The following CYP2W1 variants were observed in gnomAD, a reference collection of about 807,000 sequenced individuals.
The protein encoded by CYP2W1 is cytochrome P450 2W1.
Under a neutral mutation model 44.9 loss-of-function variants are expected in CYP2W1, and 51 were observed. The observed-to-expected ratio is 1.14, with a 90% CI of 0.91 to 1.43. The LOEUF is 1.43. Among genes scored for constraint, CYP2W1 ranks in the 40% most tolerant of loss-of-function variants. CYP2W1 has a pLI of 0.00. For missense variants in CYP2W1, 746 were observed against 700.0 expected (o/e 1.07, Z -0.74); for synonymous variants, 383 against 338.3 (o/e 1.13, Z -1.45).
chr7:984,566 G>T lies in CYP2W1; in HGVS notation c.329G>T (p.Arg110Leu), dbSNP rs377382764. The change falls in exon 2 of 9, where the codon CGA becomes CTA. Residue 110 changes from arginine (R) to leucine (L), a missense_variant. By Grantham distance (102) the Arg-to-Leu change is moderately radical (BLOSUM62 -2). Transcript: ENST00000308919. The stretch of plus-strand genomic sequence containing the variant: ...ATCGCCATCTTCCAGCTCATCCAGC[G>T]AGGTGGAGGTCGGTGTGTGGCCGGC... ...PPIAIFQLIQ[R>L]GGGIFFSSGA... 17 of 1,561,594 alleles carry T rather than the reference G, an allele frequency of 1.1e-5. No homozygotes were observed. The highest frequency in any genetic ancestry group is 1.5e-5 in the Non-Finnish European group (17 of 1,156,314).
In CYP2W1 at chr7:983,310, G is replaced by C; in HGVS notation, c.99G>C (p.Pro33=). The C allele has an allele frequency of 1.3e-6, 2 of 1,540,258 alleles. No homozygotes were observed. Among genetic ancestry groups the C allele is most frequent in the Non-Finnish European group, 8.7e-7 (1 of 1,144,446 alleles). ...QDPSPAARWP[P]GPRPLPLVGN... ...CCTCCCCAGCTGCCCGGTGGCCCCC[G>C]GGGCCTCGCCCGCTGCCGCTCGTCG... The change falls in exon 1 of 9, where the codon CCG becomes CCC. Residue 33 remains proline (P), a synonymous_variant. Coordinates refer to ENST00000308919, the MANE Select transcript of CYP2W1 (RefSeq NM_017781.3).
chr7:986,740 C>G lies in CYP2W1; in HGVS notation c.762C>G (p.His254Gln), dbSNP rs145537266. 6.2e-7 allele frequency: 1 copy of G among 1,609,116 alleles called. No individual in the cohort carries two copies. Among genetic ancestry groups the G allele is most frequent in the Non-Finnish European group, 8.5e-7 (1 of 1,177,848 alleles). Residue 254 changes from histidine (H) to glutamine (Q), a missense_variant, in exon 5 of 9, where the codon CAC (histidine) becomes CAG (glutamine). By Grantham distance (24) the His-to-Gln change is conservative. Transcript: ENST00000308919. ...CCCTCCTGGAGGCGCGGAGGCCCCA[C>G]GTGTGCCCGGGGGACCCCGTGTGCA... ...LRTLLEARRP[H>Q]VCPGDPVCSY...
rs761366680 is a variant in CYP2W1, at chr7:983,189, G to A, written c.-23G>A. ...GGGGGACGGGGCCCAGGAGGGGAGTGGAGCCTCACCAGCCACGTCCTCATG... is the reference window on the plus strand; with the variant it reads ...GGGGGACGGGGCCCAGGAGGGGAGTAGAGCCTCACCAGCCACGTCCTCATG... On this transcript the variant is annotated 5_prime_UTR_variant, in exon 1 of 9. Transcript: ENST00000308919. 6.8e-7 allele frequency: 1 copy of A among 1,465,734 alleles called. No homozygotes were observed. The highest frequency in any genetic ancestry group is 2.3e-5 in the Admixed American group (1 of 43,726). 90.8% of individuals were successfully genotyped at this position (1,465,734 alleles called of 1,614,324 possible). A position where few individuals can be genotyped will look rare whatever the true frequency, so the allele number is the denominator to read the frequency against.
chr7:983,471 C>A, intron 1 of CYP2W1, 86 bp downstream of exon 1: 3 of 1,286,610 alleles, frequency 2.3e-6, no homozygotes, highest in Non-Finnish European at 3.0e-6. Flanking sequence ...GCCCGGTTTC[C>A]ACTGCCTGTT....
intron 1 of CYP2W1, among the ~76,000 whole-genome samples, chr7:983,904 C>T (rs1848116118): frequency 6.6e-6 from 1 of 152,248 alleles, no homozygotes; most frequent in Non-Finnish European, 1.5e-5. Context: ...AGCACTGTCG[C>T]TCTGTCCTCG....
In CYP2W1 at chr7:986,604, T is replaced by TCCTCCTG. The variant is rs1562954808; in HGVS notation, c.646-10_646-4dup. 6.2e-7 allele frequency: 1 copy of TCCTCCTG among 1,611,852 alleles called. No individual in the cohort carries two copies. Among genetic ancestry groups the TCCTCCTG allele is most frequent in the African/African-American group, 1.3e-5 (1 of 74,864 alleles). On this transcript the variant is annotated intron_variant, in intron 4 of 8. Transcript: ENST00000308919. ...CCTGGGGCTGCGTCCTTATCTCCGC[T>TCCTCCTG]CCTCCTGCCTCCTGCCCAGCTGTTC...
intron 7 of CYP2W1, 76 bp from the exon 8 acceptor site, chr7:988,201 G>C (rs888108117): frequency 1.7e-5 from 25 of 1,477,796 alleles, no homozygotes; most frequent in Non-Finnish European, 2.1e-5. Context: ...CTACATCCTG[G>C]AATGAAACTT....
chr7:983,818 G>A (rs1387427152), intron 1 of CYP2W1, among the ~76,000 whole-genome samples: 1 of 152,208 alleles, frequency 6.6e-6, no homozygotes, highest in Non-Finnish European at 1.5e-5. Flanking sequence ...CTGTGAAATG[G>A]GAAGAGGACC....
chr7:985,523 C>G (rs1294799343), intron 4 of CYP2W1, among the ~76,000 whole-genome samples, 200 bp downstream of exon 4: 1 of 152,204 alleles, frequency 6.6e-6, no homozygotes, highest in East Asian at 1.9e-4. Context: ...CCTGTGCTCT[C>G]CAGGAAATGG....
intron 2 of CYP2W1, 54 bp from the exon 3 acceptor site, chr7:984,896 C>A (rs1254586075): frequency 3.3e-6 from 5 of 1,529,418 alleles, no homozygotes; most frequent in East Asian, 2.3e-5. Flanking sequence ...ACTTGCCTGG[C>A]GGGGCTGGCT....
Position 987,477 on chromosome 7 carries a change from C to T in CYP2W1, c.1089C>T (p.His363=), listed in dbSNP as rs755945940. 3.2e-5 allele frequency: 50 copies of T among 1,558,892 alleles called. No homozygotes were observed. In the East Asian group the frequency reaches 4.0e-4, roughly 13 times the overall value. Residue 363 remains histidine (H), a synonymous_variant, in exon 7 of 9, where the codon CAC becomes CAT. Coordinates refer to ENST00000308919, the MANE Select transcript of CYP2W1 (RefSeq NM_017781.3). Reference sequence around the variant, plus strand: ...AGCGGTTCATCACGCTCCTGCCGCACGTGCCCCGCTGCACCGCGGCCGACA... The same window carrying T: ...AGCGGTTCATCACGCTCCTGCCGCATGTGCCCCGCTGCACCGCGGCCGACA... ...EVQRFITLLP[H]VPRCTAADTQ...
intron 4 of CYP2W1, among the ~76,000 whole-genome samples, chr7:985,918 G>T (rs1848306615): frequency 6.6e-6 from 1 of 152,158 alleles, no homozygotes. Flanking sequence ...TGAGTGAGCA[G>T]CGGTGGGTTC....
intron 6 of CYP2W1, 50 bp from the exon 7 acceptor site, chr7:987,297 C>T: frequency 6.6e-7 from 1 of 1,518,876 alleles, no homozygotes; most frequent in Non-Finnish European, 8.8e-7. Flanking sequence ...GGGGGACCCC[C>T]AGGGACGAGG....
In CYP2W1 at chr7:983,237, T is replaced by C. The variant is rs1313038001; in HGVS notation, c.26T>C (p.Leu9Pro). 3 of 1,528,298 alleles carry C rather than the reference T, an allele frequency of 2.0e-6. No homozygotes were observed. The highest frequency in any genetic ancestry group is 2.3e-4 in the Middle Eastern group (1 of 4,418). 94.7% of individuals were successfully genotyped at this position (1,528,298 alleles called of 1,614,324 possible). A position where few individuals can be genotyped will look rare whatever the true frequency, so the allele number is the denominator to read the frequency against. The change falls in exon 1 of 9, where the codon CTG becomes CCG. Residue 9 changes from leucine (L) to proline (P), a missense_variant. Leu to Pro is a moderately conservative substitution (Grantham distance 98). Transcript: ENST00000308919. MALLLLLF[L>P]GLLGLWGLLC... ...ATGGCCCTGCTGCTCTTGCTGTTCC[T>C]GGGCCTCCTGGGGCTCTGGGGGCTG...
rs1164425621 is a variant in CYP2W1, at chr7:987,513, C to T, written c.1125C>T (p.Gly375=). 1.0e-5 allele frequency: 16 copies of T among 1,530,044 alleles called. No homozygotes were observed. The highest frequency in any genetic ancestry group is 2.7e-5 in the African/African-American group (2 of 73,064). 94.8% of individuals were successfully genotyped at this position (1,530,044 alleles called of 1,614,324 possible). Residue 375 remains glycine (G), a synonymous_variant, in exon 7 of 9, where the codon GGC becomes GGT. Transcript: ENST00000308919. ...GCACCGCGGCCGACACACAGCTGGGCGGCTTCCTGCTCCCCAAGGTGGGGC... is the reference window on the plus strand; with the variant it reads ...GCACCGCGGCCGACACACAGCTGGGTGGCTTCCTGCTCCCCAAGGTGGGGC... ...PRCTAADTQL[G]GFLLPKGTPV... is the part of the protein sequence containing the mutation.
In CYP2W1 at chr7:985,186, C is replaced by T; in HGVS notation, c.508C>T (p.Leu170=). ...GYRGRPFPLA[L]LGWAPSNITF... ...CGCAGGCCGGCCCTTCCCGCTGGCCCTACTGGGCTGGGCTCCCTCCAATAT... is the reference window on the plus strand; with the variant it reads ...CGCAGGCCGGCCCTTCCCGCTGGCCTTACTGGGCTGGGCTCCCTCCAATAT... The change falls in exon 4 of 9, where the codon CTA becomes TTA. Residue 170 remains leucine, a synonymous_variant. Coordinates refer to ENST00000308919, the MANE Select transcript of CYP2W1 (RefSeq NM_017781.3). 6.4e-7 allele frequency: 1 copy of T among 1,571,850 alleles called. No homozygotes were observed. The highest frequency in any genetic ancestry group is 1.3e-5 in the African/African-American group (1 of 74,372).
At position 983,284 on chromosome 7, in the gene CYP2W1, C is replaced by T. The variant is rs543663619; in HGVS notation, c.73C>T (p.Pro25Ser). The T allele has an allele frequency of 3.9e-6, 6 of 1,543,852 alleles. No individual in the cohort carries two copies. Among genetic ancestry groups the T allele is most frequent in the South Asian group, 2.4e-5 (2 of 83,640 alleles). The change falls in exon 1 of 9, where the codon CCC (proline) becomes TCC (serine). Residue 25 changes from proline (P) to serine (S), a missense_variant. By Grantham distance (74) the Pro-to-Ser change is moderately conservative (BLOSUM62 -1). Coordinates refer to ENST00000308919, the MANE Select transcript of CYP2W1 (RefSeq NM_017781.3). ...GCTGCTCTGCGCCTGCGCCCAAGAC[C>T]CCTCCCCAGCTGCCCGGTGGCCCCC... ...WGLLCACAQDPSPAARWPPGP... is the reference protein window; with the variant it reads ...WGLLCACAQDSSPAARWPPGP...
intron 4 of CYP2W1, 67 bp downstream of exon 4, chr7:985,390 C>T (rs749266177): frequency 1.9e-5 from 28 of 1,510,458 alleles, no homozygotes; most frequent in East Asian, 1.7e-4. Context: ...AGCAGGAGGA[C>T]GGGGGCCCCA....
rs1300372532 is a variant in CYP2W1, at chr7:983,305, C to T, written c.94C>T (p.Pro32Ser). The change falls in exon 1 of 9, where the codon CCC becomes TCC. Residue 32 changes from proline (P) to serine (S), a missense_variant. Physicochemically the swap from Pro to Ser is moderately conservative, Grantham distance 74 (BLOSUM62 -1). Coordinates refer to ENST00000308919, the MANE Select transcript of CYP2W1 (RefSeq NM_017781.3). Reference protein sequence around the residue: ...AQDPSPAARWPPGPRPLPLVG... With the variant: ...AQDPSPAARWSPGPRPLPLVG... ...AGACCCCTCCCCAGCTGCCCGGTGG[C>T]CCCCGGGGCCTCGCCCGCTGCCGCT... 3.9e-6 allele frequency: 6 copies of T among 1,541,040 alleles called. No individual in the cohort carries two copies. Among genetic ancestry groups the T allele is most frequent in the African/African-American group, 2.7e-5 (2 of 72,820 alleles).
Sources: gnomAD v4.1 joint callset for allele counts (sites outside exome capture counted in the v4.1 genomes callset) on GRCh38, gnomAD v4.1.1 for gene constraint, MANE v1.5 for transcripts, NCBI Gene and HGNC (gene_info 2026-07-23, HGNC 2026-07-21) for gene names.